The following ST3GAL5 variants were observed in gnomAD, a reference collection of about 807,000 sequenced individuals.
The protein encoded by ST3GAL5 is lactosylceramide alpha-2,3-sialyltransferase.
Under a neutral mutation model 46.1 loss-of-function variants are expected in ST3GAL5, and 25 were observed. That is an observed-to-expected ratio of 0.54 (90% CI 0.40 to 0.76). The LOEUF is 0.76. Ranked by LOEUF, ST3GAL5 falls within the 30% of genes least tolerant of loss-of-function variation. ST3GAL5 has a pLI of 0.00. For missense variants in ST3GAL5, 431 were observed against 521.2 expected, an observed-to-expected ratio of 0.83 and a Z score of 1.69; for synonymous variants, 182 against 192.7, an observed-to-expected ratio of 0.94 and a Z score of 0.46.
intron 1 of ST3GAL5, chr2:85,875,593 T>C (rs1430023829): frequency 2.0e-5 from 3 of 152,180 alleles, no homozygotes; most frequent in Non-Finnish European, 4.4e-5. Context: ...GCTTACTCAA[T>C]TGATGCTAAT....
Position 85,861,209 on chromosome 2 carries a change from A to T in ST3GAL5, c.290T>A (p.Met97Lys). ...TACATGGTCAGGGTCCACATAATGC[A>T]TTTTTTTCATGTCACATTCTTCAGT... ...YTTEECDMKKMHYVDPDHVKR... is the reference protein window; with the variant it reads ...YTTEECDMKKKHYVDPDHVKR... Residue 97 changes from methionine (M) to lysine (K), a missense_variant, in exon 3 of 7, where the codon ATG becomes AAG. Transcript: ENST00000638572. 1 of 1,611,992 alleles carries T rather than the reference A, an allele frequency of 6.2e-7. No individual in the cohort carries two copies. The highest frequency in any genetic ancestry group is 8.5e-7 in the Non-Finnish European group (1 of 1,178,380).
intron 1 of ST3GAL5, among the ~76,000 whole-genome samples, chr2:85,886,476 A>C (rs939499620): frequency 3.9e-5 from 6 of 152,078 alleles, no homozygotes; most frequent in African/African-American, 1.4e-4. Context: ...GGGCATGTTC[A>C]GTCTGGAAAA....
At position 85,872,884 on chromosome 2, in the gene ST3GAL5, G is replaced by A. The variant is rs116939474; in HGVS notation, c.83-9399C>T. On this transcript the variant is annotated intron_variant, in intron 1 of 6. Transcript: ENST00000638572. ...AGGAGAACGGAAGACAAGGCAGGAA[G>A]CCTTACCTCAGCCAAGAAGACAGTG... 1.3e-3 allele frequency among the ~76,000 whole-genome samples: 191 copies of A among 152,354 alleles called. 4 individuals are homozygous for A. In the East Asian group the frequency reaches 0.035, roughly 28 times the overall value.
chr2:85,840,004 T>G lies in ST3GAL5; in HGVS notation c.*140A>C, dbSNP rs531229046. 1 of 1,321,466 alleles carries G rather than the reference T, an allele frequency of 7.6e-7. No individual in the cohort carries two copies. Among genetic ancestry groups the G allele is most frequent in the Non-Finnish European group, 1.0e-6 (1 of 967,310 alleles). 81.9% of individuals were successfully genotyped at this position (1,321,466 alleles called of 1,614,324 possible). On this transcript the variant is annotated 3_prime_UTR_variant, in exon 7 of 7. Transcript: ENST00000638572. The stretch of plus-strand genomic sequence containing the variant: ...AAAAAAAAAGTGGGAAGAGCTAAAA[T>G]TTTTTTTGTGTTTTTAAATTAAAAG...
chr2:85,868,371 A>G (rs549387206), intron 1 of ST3GAL5, among the ~76,000 whole-genome samples: 3 of 152,236 alleles, frequency 2.0e-5, no homozygotes, highest in African/African-American at 7.2e-5. Flanking sequence ...GTGTGATCAC[A>G]GCTCACTGCG....
intron 1 of ST3GAL5, among the ~76,000 whole-genome samples, chr2:85,884,040 C>T (rs1291938084): frequency 1.3e-5 from 2 of 152,152 alleles, no homozygotes; most frequent in East Asian, 1.9e-4. Flanking sequence ...GACATGGATA[C>T]GACAGCCTCA....
Position 85,837,235 on chromosome 2 carries a change from A to G in ST3GAL5, c.*2909T>C, listed in dbSNP as rs1161736537. ...TGAATAAAGAAAATGTGGTATATAT[A>G]CACAATGGAATATTATTCTGCCATA... On this transcript the variant is annotated 3_prime_UTR_variant, in exon 7 of 7. Transcript: ENST00000638572. The G allele has an allele frequency of 6.6e-6, 1 of 152,264 alleles. No individual in the cohort carries two copies. The highest frequency in any genetic ancestry group is 2.4e-5 in the African/African-American group (1 of 41,468). The allele number at this position is 152,264 out of a possible 1,614,324, so 9.4% of individuals were successfully genotyped here.
chr2:85,842,762 CTTTTTT>C (rs765907064), intron 6 of ST3GAL5, among the ~76,000 whole-genome samples: 1 of 140,224 alleles, frequency 7.1e-6, no homozygotes, highest in African/African-American at 2.6e-5. Flanking sequence ...TGTTCTGTAT[CTTTTTT>C]TTTTTTTTTT....
intron 5 of ST3GAL5, chr2:85,844,873 T>A (rs1260558129): frequency 9.7e-6 from 4 of 411,154 alleles, no homozygotes; most frequent in Non-Finnish European, 1.8e-5. Flanking sequence ...AGTGAATAGG[T>A]CCAATTTAAG....
rs1415403653 is a variant in ST3GAL5 at position 85,837,818 on chromosome 2, G to A, written c.*2326C>T. On this transcript the variant is annotated 3_prime_UTR_variant, in exon 7 of 7. Coordinates refer to ENST00000638572, the MANE Select transcript of ST3GAL5 (RefSeq NM_003896.4). ...GTGTAAGTCTTCCTAAGTTGCCTCAGAACCAGTGATTTCATTTATGTCGGA... is the reference window on the plus strand; with the variant it reads ...GTGTAAGTCTTCCTAAGTTGCCTCAAAACCAGTGATTTCATTTATGTCGGA... The A allele has an allele frequency of 6.6e-6, 1 of 152,194 alleles. No homozygotes were observed. The highest frequency in any genetic ancestry group is 1.9e-4 in the East Asian group (1 of 5,200). The allele number at this position is 152,194 out of a possible 1,614,324, so 9.4% of individuals were successfully genotyped here.
chr2:85,851,624 C>A (rs1683515003), intron 3 of ST3GAL5: 1 of 1,289,350 alleles, frequency 7.8e-7, no homozygotes, highest in Non-Finnish European at 1.0e-6. Flanking sequence ...GCTTCAGCTG[C>A]TCTCTTCCCC....
At chr2:85,846,699 C>T in intron 4 of ST3GAL5, 136 bp from the exon 5 acceptor site, 2 of 771,860 alleles carry the variant, frequency 2.6e-6, no homozygotes, top group Non-Finnish European at 4.3e-6. Context: ...AGCCTCATCT[C>T]CCCTCCCAGC....
At chr2:85,870,404 T>C in intron 1 of ST3GAL5, 1 of 374,898 alleles carries the variant, frequency 2.7e-6, no homozygotes, top group Admixed American at 3.0e-5. Context: ...CTGGCCTGTC[T>C]TCTTCTGTCC....
chr2:85,880,274 T>C (rs1230444940), intron 1 of ST3GAL5, among the ~76,000 whole-genome samples: 2 of 152,192 alleles, frequency 1.3e-5, no homozygotes, highest in African/African-American at 2.4e-5. Context: ...TTTGGGCTGC[T>C]TAAAACTCAG....
intron 4 of ST3GAL5, 197 bp downstream of exon 4, chr2:85,847,664 G>T: frequency 7.6e-7 from 1 of 1,318,046 alleles, no homozygotes; most frequent in South Asian, 1.6e-5. Flanking sequence ...CACGCGTGGT[G>T]TGTGCCTGGG....
chr2:85,867,905 G>T (rs1685457076), intron 1 of ST3GAL5: 2 of 533,682 alleles, frequency 3.7e-6, no homozygotes, highest in Admixed American at 2.5e-5. Flanking sequence ...TAGCATCCAA[G>T]ATGGCATTGC....
intron 2 of ST3GAL5, among the ~76,000 whole-genome samples, chr2:85,862,314 A>C (rs990782531): frequency 9.9e-5 from 15 of 152,126 alleles, no homozygotes; most frequent in Non-Finnish European, 1.9e-4. Context: ...TATACACAAG[A>C]AACCGGTGAC....
At position 85,869,449 on chromosome 2, in the gene ST3GAL5, T is replaced by C. The variant is rs183988469; in HGVS notation, c.83-5964A>G. On this transcript the variant is annotated intron_variant, in intron 1 of 6. Coordinates refer to ENST00000638572, the MANE Select transcript of ST3GAL5 (RefSeq NM_003896.4). The stretch of plus-strand genomic sequence containing the variant: ...AGTTCTATTTTTGAAAAACTGAAAC[T>C]ATTTTCACTTAGGGAGGAAATCCTT... Among the ~76,000 whole-genome samples the C allele has an allele frequency of 3.8e-4, 58 of 152,094 alleles. 2 individuals carry two copies. In the East Asian group the frequency reaches 8.7e-3, roughly 23 times the overall value.
At position 85,888,983 on chromosome 2, in the gene ST3GAL5, A is replaced by G. The variant is rs1688094011; in HGVS notation, c.-78T>C. Reference sequence around the variant, plus strand: ...CGCCCCCAGCGCCGCTCTCGCGCCCATTCAGCTGGGGGCCGCCGCTCCCCC... The same window carrying G: ...CGCCCCCAGCGCCGCTCTCGCGCCCGTTCAGCTGGGGGCCGCCGCTCCCCC... On this transcript the variant is annotated 5_prime_UTR_variant, in exon 1 of 7. The change abolishes an upstream ATG in the 5' untranslated region. Coordinates refer to ENST00000638572, the MANE Select transcript of ST3GAL5 (RefSeq NM_003896.4). 1 of 1,128,048 alleles carries G rather than the reference A, an allele frequency of 8.9e-7. No homozygotes were observed. Among genetic ancestry groups the G allele is most frequent in the Non-Finnish European group, 1.1e-6 (1 of 894,236 alleles). 69.9% of individuals were successfully genotyped at this position (1,128,048 alleles called of 1,614,324 possible).
Sources: gnomAD v4.1 joint callset for allele counts (sites outside exome capture counted in the v4.1 genomes callset) on GRCh38, gnomAD v4.1.1 for gene constraint, MANE v1.5 for transcripts, NCBI Gene and HGNC (gene_info 2026-07-23, HGNC 2026-07-21) for gene names.